The following TNKS variants were observed in gnomAD, a reference collection of about 807,000 sequenced individuals.
TNKS encodes the protein tankyrase.
In TNKS, 72 loss-of-function variants were observed where a neutral mutation model predicts 135.8. The observed-to-expected ratio is 0.53, with a 90% CI of 0.44 to 0.64. The LOEUF (loss-of-function observed/expected upper bound fraction) is 0.64. Among genes scored for constraint, TNKS ranks in the 30% least tolerant of loss-of-function variants. The probability of loss-of-function intolerance (pLI) is 0.00; values close to 1 mark genes in which losing one functional copy is unlikely to be tolerated. For missense variants in TNKS, 1,769 were observed against 1,674.0 expected, an observed-to-expected ratio of 1.06 and a Z score of -0.99; for synonymous variants, 849 against 649.3, an observed-to-expected ratio of 1.31 and a Z score of -4.68.
At chr8:9,604,551 A>G (rs1799147109) in intron 2 of TNKS, among the ~76,000 whole-genome samples, 3 of 151,922 alleles carry the variant, frequency 2.0e-5, no homozygotes, top group Admixed American at 6.6e-5. Flanking sequence ...AGTGTAGTTT[A>G]TGTACTATTA....
Position 9,665,447 on chromosome 8 carries a change from A to G in TNKS, c.995-14504A>G, listed in dbSNP as rs1801941355. The stretch of plus-strand genomic sequence containing the variant: ...TTTTCTGTTTTTTATTCGTATTTCC[A>G]CTTCTTTTAAGTTAGCAGGAAGAAA... On this transcript the variant is annotated intron_variant, in intron 3 of 26. Transcript: ENST00000310430. Among the ~76,000 whole-genome samples, 4 of 152,108 alleles carry G rather than the reference A, an allele frequency of 2.6e-5. No individual in the cohort carries two copies. The South Asian group carries it at 8.3e-4, about 32-fold the overall frequency.
intron 3 of TNKS, among the ~76,000 whole-genome samples, chr8:9,663,461 C>G (rs1274058933): frequency 6.6e-6 from 1 of 152,172 alleles, no homozygotes; most frequent in Non-Finnish European, 1.5e-5. Context: ...CCAAAATTTG[C>G]AAGTTTTTCC....
At chr8:9,771,006 G>A (rs1807797323) in intron 26 of TNKS, among the ~76,000 whole-genome samples, 1 of 152,104 alleles carries the variant, frequency 6.6e-6, no homozygotes, top group Non-Finnish European at 1.5e-5. Flanking sequence ...TCTAAGGGTG[G>A]ACTGAAATTG....
At chr8:9,766,479 TTG>T (rs1807454238) in intron 25 of TNKS, 54 bp downstream of exon 25, 10 of 1,330,134 alleles carry the variant, frequency 7.5e-6, no homozygotes, top group Middle Eastern at 4.0e-4. Context: ...ACGAACCAAA[TTG>T]TCTTTTTTTT....
intron 3 of TNKS, among the ~76,000 whole-genome samples, chr8:9,667,704 C>G (rs1802062296): frequency 6.6e-6 from 1 of 152,182 alleles, no homozygotes; most frequent in Non-Finnish European, 1.5e-5. Flanking sequence ...TTGTGATTTA[C>G]TTCTTCAGCT....
intron 3 of TNKS, among the ~76,000 whole-genome samples, chr8:9,662,192 C>G (rs1801749721): frequency 6.6e-6 from 1 of 152,172 alleles, no homozygotes; most frequent in African/African-American, 2.4e-5. Context: ...TGTGGCGATT[C>G]CTCAGGGATC....
chr8:9,677,812 C>A (rs1476755191), intron 3 of TNKS, among the ~76,000 whole-genome samples: 4 of 152,132 alleles, frequency 2.6e-5, no homozygotes, highest in Non-Finnish European at 5.9e-5. Context: ...CATACCCATT[C>A]CCCTGTGAGT....
chr8:9,597,337 A>C (rs1585211644), intron 2 of TNKS, among the ~76,000 whole-genome samples: 1 of 152,346 alleles, frequency 6.6e-6, no homozygotes, highest in African/African-American at 2.4e-5. Flanking sequence ...AGGTTGCCAC[A>C]CAAGACTATT....
At chr8:9,763,111 A>G in intron 21 of TNKS, 36 bp from the exon 22 acceptor site, 1 of 1,032,726 alleles carries the variant, frequency 9.7e-7, no homozygotes, top group Non-Finnish European at 1.4e-6. Flanking sequence ...AGTAGTGTAG[A>G]CTTTTGTTTT....
chr8:9,635,969 A>C (rs1235059713), intron 3 of TNKS, among the ~76,000 whole-genome samples: 1 of 152,234 alleles, frequency 6.6e-6, no homozygotes, highest in South Asian at 2.1e-4. Flanking sequence ...CACATACTGT[A>C]TATTAGATGA....
chr8:9,765,661 GATA>G (rs751074146), intron 23 of TNKS, 28 bp from the exon 24 acceptor site: 2 of 1,557,158 alleles, frequency 1.3e-6, no homozygotes, highest in Non-Finnish European at 1.8e-6. Flanking sequence ...ACGTTTCACC[GATA>G]ATGTTTCTTT....
chr8:9,611,413 C>T (rs940080349), intron 2 of TNKS, among the ~76,000 whole-genome samples: 1 of 152,114 alleles, frequency 6.6e-6, no homozygotes, highest in African/African-American at 2.4e-5. Context: ...ATTTGTGCTA[C>T]TTTTTAAAAA....
chr8:9,699,421 T>C (rs190603008), intron 5 of TNKS, among the ~76,000 whole-genome samples: 2 of 152,344 alleles, frequency 1.3e-5, no homozygotes, highest in East Asian at 3.9e-4. Flanking sequence ...TTGAAAAACC[T>C]CAGGGCTTTT....
intron 13 of TNKS, among the ~76,000 whole-genome samples, chr8:9,727,386 T>C (rs1214018250): frequency 1.3e-5 from 2 of 152,190 alleles, no homozygotes; most frequent in East Asian, 3.8e-4. Flanking sequence ...CACTTAGGGA[T>C]GAAGTTAGCA....
At chr8:9,697,404 G>A (rs144507494) in intron 5 of TNKS, among the ~76,000 whole-genome samples, 162 of 152,184 alleles carry the variant, frequency 1.1e-3, no homozygotes, top group African/African-American at 3.9e-3. Flanking sequence ...GAGAATTTTT[G>A]GCTAAGTCTC....
Position 9,569,894 on chromosome 8 carries a change from A to T in TNKS, c.674-10265A>T, listed in dbSNP as rs144034393. Among the ~76,000 whole-genome samples the T allele has an allele frequency of 3.5e-4, 53 of 152,072 alleles. 1 individual carries two copies. In the East Asian group the frequency reaches 0.01, roughly 29 times the overall value. ...TTTTATCTGTAAGCTTTTGAAATCT[A>T]TTGCCTTAAAAAGTGTTTTTTTAAT... On this transcript the variant is annotated intron_variant, in intron 1 of 26. Transcript: ENST00000310430.
chr8:9,590,112 T>C (rs1798536272), intron 2 of TNKS, among the ~76,000 whole-genome samples: 1 of 152,202 alleles, frequency 6.6e-6, no homozygotes, highest in Admixed American at 6.5e-5. Flanking sequence ...TCACAGTATG[T>C]GCGTGTTTAA....
At chr8:9,756,297 G>A (rs1281576837) in intron 20 of TNKS, among the ~76,000 whole-genome samples, 1 of 152,050 alleles carries the variant, frequency 6.6e-6, no homozygotes, top group Non-Finnish European at 1.5e-5. Context: ...GCCCAAGCAA[G>A]AGGACGTCTT....
At chr8:9,734,104 G>A (rs1294388248) in intron 15 of TNKS, among the ~76,000 whole-genome samples, 2 of 151,858 alleles carry the variant, frequency 1.3e-5, no homozygotes, top group Non-Finnish European at 2.9e-5. Flanking sequence ...TCACTTTTAT[G>A]ATATCAAATA....
Sources: allele counts gnomAD v4.1 joint callset (sites outside exome capture counted in the v4.1 genomes callset), GRCh38; gene constraint gnomAD v4.1.1; transcripts MANE v1.5; gene names NCBI Gene and HGNC (gene_info 2026-07-23, HGNC 2026-07-21).